The following HAS2 variants were observed in gnomAD, a reference collection of about 807,000 sequenced individuals.
HAS2 encodes HA synthase 2.
In HAS2, 16 loss-of-function variants were observed where a neutral mutation model predicts 51.6. That is an observed-to-expected ratio of 0.31 (90% CI 0.21 to 0.47). The LOEUF is 0.47. Among genes scored for constraint, HAS2 ranks in the 20% least tolerant of loss-of-function variants. HAS2 has a pLI of 1.00. For missense variants in HAS2, 361 were observed against 662.6 expected (o/e 0.54, Z 5.00); for synonymous variants, 228 against 235.5 (o/e 0.97, Z 0.29).
At chr8:121,633,659 A>C (rs1393934831) in intron 1 of HAS2, among the ~76,000 whole-genome samples, 2 of 152,182 alleles carry the variant, frequency 1.3e-5, no homozygotes, top group Admixed American at 6.5e-5. Context: ...ATCCTGTGTT[A>C]CCATAAAAAA....
chr8:121,640,486 G>A (rs1238635540), intron 1 of HAS2, among the ~76,000 whole-genome samples: 1 of 151,754 alleles, frequency 6.6e-6, no homozygotes, highest in African/African-American at 2.4e-5. Flanking sequence ...TGTGCAGAAT[G>A]CATTTTCCTT....
At chr8:121,632,585 A>G (rs886916871) in intron 1 of HAS2, among the ~76,000 whole-genome samples, 1 of 152,216 alleles carries the variant, frequency 6.6e-6, no homozygotes, top group African/African-American at 2.4e-5. Flanking sequence ...ACAGCTTGCT[A>G]TACTATAATG....
chr8:121,620,972 A>G (rs184426770), intron 2 of HAS2, among the ~76,000 whole-genome samples: 6 of 152,356 alleles, frequency 3.9e-5, no homozygotes, highest in Admixed American at 1.3e-4. Context: ...GAAAGCTCAG[A>G]AAGGCATGCA....
intron 2 of HAS2, among the ~76,000 whole-genome samples, chr8:121,617,620 A>C (rs1812722221): frequency 6.6e-6 from 1 of 152,168 alleles, no homozygotes; most frequent in African/African-American, 2.4e-5. Flanking sequence ...ACCTTCAATA[A>C]GGCTTTTAGG....
intron 1 of HAS2, among the ~76,000 whole-genome samples, chr8:121,636,410 C>T (rs1017525104): frequency 3.9e-5 from 6 of 152,090 alleles, no homozygotes. Flanking sequence ...CCCCTTCTGA[C>T]CTTCTCTTCC....
intron 1 of HAS2, among the ~76,000 whole-genome samples, chr8:121,638,897 G>A (rs1457777839): frequency 1.3e-5 from 2 of 152,160 alleles, no homozygotes; most frequent in East Asian, 1.9e-4. Flanking sequence ...TAAAAAAATT[G>A]TATCTACAAA....
chr8:121,639,398 G>T (rs1813057921), intron 1 of HAS2: 2 of 152,628 alleles, frequency 1.3e-5, no homozygotes, highest in Non-Finnish European at 2.9e-5. Context: ...GAGGGAGTGG[G>T]CAGGGAGAGG....
intron 2 of HAS2, among the ~76,000 whole-genome samples, chr8:121,623,168 G>T (rs540447100): frequency 6.6e-6 from 1 of 152,142 alleles, no homozygotes; most frequent in African/African-American, 2.4e-5. Flanking sequence ...TTCCTTAGTA[G>T]AATGAATTAT....
chr8:121,616,150 T>C (rs1291230170), intron 3 of HAS2, among the ~76,000 whole-genome samples: 1 of 152,200 alleles, frequency 6.6e-6, no homozygotes, highest in Non-Finnish European at 1.5e-5. Context: ...TCCTCACATA[T>C]TTTCACATAT....
intron 1 of HAS2, among the ~76,000 whole-genome samples, chr8:121,633,855 C>G (rs1812968695): frequency 6.6e-6 from 1 of 151,812 alleles, no homozygotes; most frequent in Admixed American, 6.6e-5. Flanking sequence ...CTCACTGCCC[C>G]AGTTCAACAG....
At chr8:121,616,021 A>T (rs1812696068) in intron 3 of HAS2, among the ~76,000 whole-genome samples, 2 of 152,186 alleles carry the variant, frequency 1.3e-5, no homozygotes, top group East Asian at 3.8e-4. Context: ...ATCAAACTAC[A>T]TATATAAAAT....
chr8:121,639,113 G>T (rs754233312), intron 1 of HAS2, among the ~76,000 whole-genome samples: 6 of 152,234 alleles, frequency 3.9e-5, no homozygotes, highest in Non-Finnish European at 8.8e-5. Context: ...CAGTGAAGTT[G>T]TCTCCCTCTT....
intron 1 of HAS2, among the ~76,000 whole-genome samples, chr8:121,640,545 G>A (rs1314033601): frequency 3.3e-5 from 5 of 151,930 alleles, no homozygotes; most frequent in Non-Finnish European, 7.4e-5. Context: ...TGCTGCTCCG[G>A]AAGATGCAAA....
In HAS2 at chr8:121,638,210, C is replaced by A. The variant is rs549126753; in HGVS notation, c.-1+2643G>T. Among the ~76,000 whole-genome samples the A allele has an allele frequency of 2.6e-5, 4 of 152,250 alleles. No individual in the cohort carries two copies. The South Asian group carries it at 8.3e-4, about 32-fold the overall frequency. On this transcript the variant is annotated intron_variant, in intron 1 of 3. Coordinates refer to ENST00000303924, the MANE Select transcript of HAS2 (RefSeq NM_005328.3). ...ATTTATGAAATTCAATACTATGGGG[C>A]TATATTCTACAGACCTAACAAAAAT...
rs760952242 is a variant in HAS2, at chr8:121,614,327, C to A, written c.1441G>T (p.Val481Leu). 6.2e-7 allele frequency: 1 copy of A among 1,614,074 alleles called. No homozygotes were observed. ...AGGAGGATTGTAAACCAAACTGATA[C>A]TGGAATGAGTCCTATGAAATTAACA... ...IVVNFIGLIP[V>L]SVWFTILLGG... The change falls in exon 4 of 4, where the codon GTA becomes TTA. Residue 481 changes from valine (V) to leucine (L), a missense_variant. Val to Leu is a conservative substitution (Grantham distance 32). Coordinates refer to ENST00000303924, the MANE Select transcript of HAS2 (RefSeq NM_005328.3). This position sits in a 1 kb window ranked among gnomAD's most constrained non-coding sequence, Gnocchi z 7.2.
At chr8:121,622,699 A>T (rs79641550) in intron 2 of HAS2, among the ~76,000 whole-genome samples, 1 of 151,992 alleles carries the variant, frequency 6.6e-6, no homozygotes, top group Non-Finnish European at 1.5e-5. Context: ...AAAAAAAAAA[A>T]AATCAATCCA....
In HAS2 at chr8:121,617,137, G is replaced by A. The variant is rs779279789; in HGVS notation, c.697C>T (p.Pro233Ser). The A allele has an allele frequency of 6.8e-6, 11 of 1,610,156 alleles. 1 individual carries two copies. In the Admixed American group the frequency reaches 1.7e-4, roughly 24 times the overall value. Residue 233 changes from proline to serine, a missense_variant, in exon 3 of 4, where the codon CCC (proline) becomes TCC (serine). By Grantham distance (74) the Pro-to-Ser change is moderately conservative. Coordinates refer to ENST00000303924, the MANE Select transcript of HAS2 (RefSeq NM_005328.3). ...TCTCCCCCAACACCTCCAACCATGG[G>A]ATCTTCTTCTAAAACTTTTACCATC... ...VEMVKVLEEDPMVGGVGGDVQ... is the reference protein window; with the variant it reads ...VEMVKVLEEDSMVGGVGGDVQ...
chr8:121,618,710 G>C (rs1812738943), intron 2 of HAS2, among the ~76,000 whole-genome samples: 1 of 152,142 alleles, frequency 6.6e-6, no homozygotes, highest in Non-Finnish European at 1.5e-5. Flanking sequence ...TAATCAGCTT[G>C]ATATCCCCAT....
chr8:121,624,114 G>T (rs1360802032), intron 2 of HAS2, among the ~76,000 whole-genome samples: 1 of 152,016 alleles, frequency 6.6e-6, no homozygotes, highest in East Asian at 1.9e-4. Flanking sequence ...ACATATAGTT[G>T]GTTCATTAAT....
Sources: allele counts gnomAD v4.1 joint callset (sites outside exome capture counted in the v4.1 genomes callset), GRCh38; gene constraint gnomAD v4.1.1; non-coding constraint Gnocchi (gnomAD v3.1); transcripts MANE v1.5; gene names NCBI Gene and HGNC (gene_info 2026-07-23, HGNC 2026-07-21).